Variants in JADE2 observed in about 807,000 individuals in gnomAD.
JADE2 encodes the protein E3 ubiquitin-protein ligase Jade-2.
In JADE2, 13 loss-of-function variants were observed where a neutral mutation model predicts 85.7. That is an observed-to-expected ratio of 0.15 (90% CI 0.10 to 0.24). The LOEUF (loss-of-function observed/expected upper bound fraction) is 0.24. JADE2 is among the 10% of genes least tolerant of loss of function. The pLI, the probability that JADE2 is intolerant of heterozygous loss-of-function variation, is 1.00. For missense variants in JADE2, 846 were observed against 1,115.9 expected, an observed-to-expected ratio of 0.76 and a Z score of 3.45; for synonymous variants, 440 against 456.1, an observed-to-expected ratio of 0.96 and a Z score of 0.45.
chr5:134,541,045 T>TGG (rs1761932328), intron 3 of JADE2, among the ~76,000 whole-genome samples: 2 of 152,204 alleles, frequency 1.3e-5, no homozygotes, highest in Non-Finnish European at 2.9e-5. Flanking sequence ...CCAACCCTGC[T>TGG]GGGGACTAGC....
At chr5:134,546,913 G>A (rs1013997341) in intron 3 of JADE2, among the ~76,000 whole-genome samples, 12 of 152,308 alleles carry the variant, frequency 7.9e-5, no homozygotes, top group Non-Finnish European at 1.2e-4. Flanking sequence ...TTCACCCCTT[G>A]AGAAAAGGAA....
Position 134,566,028 on chromosome 5 carries a change from T to G in JADE2, c.970-88T>G. 1 of 1,163,254 alleles carries G rather than the reference T, an allele frequency of 8.6e-7. No individual in the cohort carries two copies. Among genetic ancestry groups the G allele is most frequent in the Non-Finnish European group, 1.2e-6 (1 of 803,746 alleles). 72.1% of individuals were successfully genotyped at this position (1,163,254 alleles called of 1,614,324 possible). On this transcript the variant is annotated intron_variant, in intron 8 of 11. Transcript: ENST00000681547. This position sits in a 1 kb window ranked among gnomAD's most constrained non-coding sequence, Gnocchi z 6.7. ...AGGTTCTCTCCAGCATTGCGCATTCTCAGTAGAGCCCTGGGGGAAGCCCCT... is the reference window on the plus strand; with the variant it reads ...AGGTTCTCTCCAGCATTGCGCATTCGCAGTAGAGCCCTGGGGGAAGCCCCT...
At chr5:134,533,531 C>G in intron 1 of JADE2, 2 of 985,238 alleles carry the variant, frequency 2.0e-6, no homozygotes, top group Non-Finnish European at 1.2e-6. Flanking sequence ...CTCGGAAGTA[C>G]CTTCTTTGCA....
chr5:134,558,830 G>A (rs938936516), intron 4 of JADE2, among the ~76,000 whole-genome samples: 4 of 152,242 alleles, frequency 2.6e-5, no homozygotes, highest in African/African-American at 7.2e-5. Flanking sequence ...GAGCCACCAC[G>A]CCCAGCCTGG....
chr5:134,565,466 A>G (rs1763582797), intron 8 of JADE2, among the ~76,000 whole-genome samples: 1 of 152,228 alleles, frequency 6.6e-6, no homozygotes, highest in Non-Finnish European at 1.5e-5. Context: ...AGGGGACCAC[A>G]GTCCCCATCT....
intron 4 of JADE2, 135 bp downstream of exon 4, chr5:134,552,344 A>C: frequency 3.5e-6 from 3 of 845,400 alleles, no homozygotes; most frequent in Non-Finnish European, 5.4e-6. Flanking sequence ...TCCCTTTTCC[A>C]ACAAACCATT....
At chr5:134,529,884 C>T (rs1406487404) in intron 1 of JADE2, among the ~76,000 whole-genome samples, 1 of 152,256 alleles carries the variant, frequency 6.6e-6, no homozygotes, top group Non-Finnish European at 1.5e-5. Flanking sequence ...CCCCTTGGTA[C>T]GTCCCCAGAA....
intron 1 of JADE2, among the ~76,000 whole-genome samples, chr5:134,527,926 A>G (rs553459636): frequency 9.9e-5 from 15 of 152,216 alleles, no homozygotes; most frequent in Non-Finnish European, 1.8e-4. Context: ...CGCTGCGTCT[A>G]GCACCCCTGG....
intron 3 of JADE2, among the ~76,000 whole-genome samples, chr5:134,551,153 AC>A (rs1240791386): frequency 2.3e-4 from 35 of 152,196 alleles, no homozygotes; most frequent in Admixed American, 9.2e-4. Context: ...CAGATAGATA[AC>A]ATGATTGTGA....
intron 3 of JADE2, 72 bp from the exon 4 acceptor site, chr5:134,551,980 C>G: frequency 2.7e-6 from 4 of 1,472,046 alleles, no homozygotes; most frequent in Non-Finnish European, 3.8e-6. Context: ...GTATCTGCCT[C>G]TTCCTCTGGC....
At chr5:134,564,181 C>T (rs994558005) in intron 7 of JADE2, 5 of 212,142 alleles carry the variant, frequency 2.4e-5, no homozygotes, top group Non-Finnish European at 3.8e-5. Flanking sequence ...TCAAGGCCCA[C>T]GCAGTCTTAA....
In JADE2 at chr5:134,579,490, C is replaced by T. The variant is rs192691968; in HGVS notation, c.*173C>T. 1.1e-4 allele frequency: 68 copies of T among 609,944 alleles called. No individual in the cohort carries two copies. In the East Asian group the frequency reaches 1.8e-3, roughly 16 times the overall value. 37.8% of individuals were successfully genotyped at this position (609,944 alleles called of 1,614,324 possible). On this transcript the variant is annotated 3_prime_UTR_variant, in exon 12 of 12. Transcript: ENST00000681547. The surrounding 1 kb of genome is among the most constrained non-coding windows in gnomAD (Gnocchi z 4.6). ...TTTGAATTCTACACTGTTGTCTTTCCTCTGTGCTGGCCTAGGACATTAGGA... is the reference window on the plus strand; with the variant it reads ...TTTGAATTCTACACTGTTGTCTTTCTTCTGTGCTGGCCTAGGACATTAGGA...
In JADE2 at chr5:134,566,491, G is replaced by A. The variant is rs376286802; in HGVS notation, c.1345G>A (p.Asp449Asn). 42 of 1,611,430 alleles carry A rather than the reference G, an allele frequency of 2.6e-5. No homozygotes were observed. Among genetic ancestry groups the A allele is most frequent in the East Asian group, 4.5e-5 (2 of 44,766 alleles). The change falls in exon 9 of 12, where the codon GAC (aspartate) becomes AAC (asparagine). Residue 449 changes from aspartate to asparagine, a missense_variant. By Grantham distance (23) the Asp-to-Asn change is conservative. This residue lies in a region of JADE2 where 88 missense variants were observed against 140.6 expected (regional missense o/e 0.63). Coordinates refer to ENST00000681547, the MANE Select transcript of JADE2 (RefSeq NM_001388185.1). The surrounding 1 kb of genome is among the most constrained non-coding windows in gnomAD (Gnocchi z 6.7). The stretch of plus-strand genomic sequence containing the variant: ...CCAGCCGCTGCTGACCCCCAAGACC[G>A]ACGAGGTGGACAACCTGGCCCAGCA... The part of the protein sequence containing the change: ...ANQPLLTPKT[D>N]EVDNLAQQEQ...
intron 3 of JADE2, among the ~76,000 whole-genome samples, chr5:134,545,800 T>G (rs1283302078): frequency 6.6e-6 from 1 of 152,240 alleles, no homozygotes; most frequent in African/African-American, 2.4e-5. Flanking sequence ...CTGTCATTTC[T>G]AATGAGATGA....
rs994804519 is a variant in JADE2, at chr5:134,570,439, C to CT, written c.1435-3205dup. ...AATATTTGAATCTGTTCAACCCTCT[C>CT]TCATCTTCAAAAGCGAATCCTCCCT... On this transcript the variant is annotated intron_variant, in intron 9 of 11. Transcript: ENST00000681547. 1.2e-4 allele frequency among the ~76,000 whole-genome samples: 19 copies of CT among 152,194 alleles called. 1 individual carries two copies. The highest frequency in any genetic ancestry group is 4.4e-5 in the Non-Finnish European group (3 of 68,032).
intron 3 of JADE2, among the ~76,000 whole-genome samples, chr5:134,543,359 A>G (rs1762094689): frequency 1.3e-5 from 2 of 149,360 alleles, no homozygotes; most frequent in South Asian, 4.5e-4. Context: ...AAGACCTGCT[A>G]TTGGGATCCA....
intron 9 of JADE2, among the ~76,000 whole-genome samples, chr5:134,572,312 A>G (rs1486398693): frequency 6.6e-6 from 1 of 152,254 alleles, no homozygotes; most frequent in Non-Finnish European, 1.5e-5. Context: ...GTGGAAGGCC[A>G]CGGAGAGTCC....
intron 4 of JADE2, among the ~76,000 whole-genome samples, chr5:134,555,683 G>A (rs1430852342): frequency 6.6e-6 from 1 of 152,252 alleles, no homozygotes; most frequent in African/African-American, 2.4e-5. Context: ...CCCCCACTCA[G>A]CATGTGCTTA....
At chr5:134,530,934 A>G (rs1054041088) in intron 1 of JADE2, among the ~76,000 whole-genome samples, 6 of 152,164 alleles carry the variant, frequency 3.9e-5, no homozygotes, top group African/African-American at 9.7e-5. Context: ...ACTCCCTAGT[A>G]TGTCACTGGG....
Sources: gnomAD v4.1 joint callset for allele counts (sites outside exome capture counted in the v4.1 genomes callset) on GRCh38, gnomAD v4.1.1 for gene constraint, gnomAD v4.1.1 regional missense constraint, Gnocchi (gnomAD v3.1) non-coding constraint, MANE v1.5 for transcripts, NCBI Gene and HGNC (gene_info 2026-07-23, HGNC 2026-07-21) for gene names.